PML: variants seen among roughly 807,000 people sequenced by gnomAD.
The protein encoded by PML is protein PML.
In PML, 28 loss-of-function variants were observed where a neutral mutation model predicts 65.2. The observed-to-expected ratio is 0.43, with a 90% CI of 0.32 to 0.59. The LOEUF (loss-of-function observed/expected upper bound fraction) is 0.59. Among genes scored for constraint, PML ranks in the 20% least tolerant of loss-of-function variants. The probability of loss-of-function intolerance (pLI) is 0.08; values close to 1 mark genes in which losing one functional copy is unlikely to be tolerated. For synonymous variants in PML, 500 were observed against 508.8 expected (o/e 0.98, Z 0.23); for missense variants, 1,021 against 1,203.4 (o/e 0.85, Z 2.24).
chr15:73,998,885 AG>A (rs1201842577), intron 2 of PML, among the ~76,000 whole-genome samples: 3 of 152,336 alleles, frequency 2.0e-5, no homozygotes, highest in Non-Finnish European at 4.4e-5. Flanking sequence ...GCTGGATTCT[AG>A]GATCAGAGAC....
chr15:74,019,894 T>C (rs1180341224), intron 2 of PML, among the ~76,000 whole-genome samples: 1 of 152,238 alleles, frequency 6.6e-6, no homozygotes, highest in Non-Finnish European at 1.5e-5. Context: ...TTCCGTTGTA[T>C]GGGTGGATCA....
chr15:74,034,720 C>T, intron 7 of PML, 190 bp downstream of exon 7: 1 of 1,511,080 alleles, frequency 6.6e-7, no homozygotes, highest in Non-Finnish European at 8.9e-7. Context: ...CCCCAGCCCT[C>T]CCACTACACC....
chr15:74,044,321 C>T lies in PML; in HGVS notation c.1962C>T (p.Ser654=). 2 of 1,614,178 alleles carry T rather than the reference C, an allele frequency of 1.2e-6. No homozygotes were observed. Among genetic ancestry groups the T allele is most frequent in the Non-Finnish European group, 1.7e-6 (2 of 1,180,020 alleles). ...TCAGCATCTACTCCAAGGCCGTGTC[C>T]CTGGAGGTGGGGCTGCAGCACTTCC... ...AFFSIYSKAV[S]LEVGLQHFLS... The change falls in exon 9 of 9, where the codon TCC becomes TCT. Residue 654 remains serine, a synonymous_variant. Coordinates refer to ENST00000268058, the MANE Select transcript of PML (RefSeq NM_033238.3).
chr15:74,004,564 G>A (rs1353092176), intron 2 of PML, among the ~76,000 whole-genome samples: 1 of 152,088 alleles, frequency 6.6e-6, no homozygotes, highest in African/African-American at 2.4e-5. Flanking sequence ...GCCGCCCAAA[G>A]CACTGGGATT....
chr15:74,039,291 T>C (rs916630081), intron 7 of PML, among the ~76,000 whole-genome samples: 1 of 152,230 alleles, frequency 6.6e-6, no homozygotes, highest in African/African-American at 2.4e-5. Context: ...GGCCACAGGC[T>C]GGCCGAGTTT....
rs948690909 is a variant in PML at position 73,998,263 on chromosome 15, C to T, written c.389C>T (p.Thr130Ile). ...RQIVDAQAVCTRCKESADFWC... is the reference protein window; with the variant it reads ...RQIVDAQAVCIRCKESADFWC... ...ATTGTGGATGCGCAGGCTGTGTGCA[C>T]CCGCTGCAAAGAGTCGGCCGACTTC... The change falls in exon 2 of 9, where the codon ACC becomes ATC. Residue 130 changes from threonine (T) to isoleucine (I), a missense_variant. Coordinates refer to ENST00000268058, the MANE Select transcript of PML (RefSeq NM_033238.3). 2 of 1,614,096 alleles carry T rather than the reference C, an allele frequency of 1.2e-6. No individual in the cohort carries two copies. Among genetic ancestry groups the T allele is most frequent in the Non-Finnish European group, 1.7e-6 (2 of 1,180,044 alleles).
chr15:74,016,764 C>G (rs547070848), intron 2 of PML, among the ~76,000 whole-genome samples: 1 of 127,522 alleles, frequency 7.8e-6, no homozygotes, highest in East Asian at 2.4e-4. Context: ...AAAAAATATA[C>G]AGTTTTGAAT....
At chr15:74,004,214 A>C (rs909947492) in intron 2 of PML, among the ~76,000 whole-genome samples, 2 of 152,080 alleles carry the variant, frequency 1.3e-5, no homozygotes, top group African/African-American at 4.8e-5. Flanking sequence ...GGCTCAAGCA[A>C]TCCTCCCACC....
At chr15:74,036,062 TC>T (rs903739715) in intron 7 of PML, 1 of 1,614,076 alleles carries the variant, frequency 6.2e-7, no homozygotes, top group African/African-American at 1.3e-5. Flanking sequence ...ACTCATTAAT[TC>T]TTGGTTAAGG....
In PML at chr15:74,035,794, G is replaced by A. The variant is rs762036261; in HGVS notation, c.1710+1264G>A. 19 of 1,613,980 alleles carry A rather than the reference G, an allele frequency of 1.2e-5. No individual in the cohort carries two copies. Among genetic ancestry groups the A allele is most frequent in the Non-Finnish European group, 1.6e-5 (19 of 1,180,016 alleles). ...GGGGAAAGCAGAGCCCAGACTCTTGGAGCAGGTGTTCCCCCTGGGGACTCT... is the reference window on the plus strand; with the variant it reads ...GGGGAAAGCAGAGCCCAGACTCTTGAAGCAGGTGTTCCCCCTGGGGACTCT... On this transcript the variant is annotated intron_variant, in intron 7 of 8. Coordinates refer to ENST00000268058, the MANE Select transcript of PML (RefSeq NM_033238.3). The surrounding 1 kb of genome is among the most constrained non-coding windows in gnomAD (Gnocchi z 4.1).
rs1595923425 is a variant in PML at position 74,043,821 on chromosome 15, G to A, written c.1862-400G>A. ...TTTCTATGTCCCAGGGCTCTGACTG[G>A]GCTGGGGTCCTTGAGGGGATTGGAG... is the stretch of plus-strand genomic sequence containing the variant. On this transcript the variant is annotated intron_variant, in intron 8 of 8. Transcript: ENST00000268058. The surrounding 1 kb of genome is among the most constrained non-coding windows in gnomAD (Gnocchi z 4.3). 1 of 531,436 alleles carries A rather than the reference G, an allele frequency of 1.9e-6. No individual in the cohort carries two copies. Among genetic ancestry groups the A allele is most frequent in the East Asian group, 4.9e-5 (1 of 20,496 alleles). The allele number at this position is 531,436 out of a possible 1,614,324, so 32.9% of individuals were successfully genotyped here.
chr15:74,017,546 G>C (rs1350441189), intron 2 of PML, among the ~76,000 whole-genome samples: 3 of 152,248 alleles, frequency 2.0e-5, no homozygotes, highest in Non-Finnish European at 4.4e-5. Flanking sequence ...CTGCTTGGGA[G>C]GCTGAGGCAG....
In PML at chr15:74,042,151, T is replaced by TGGCTCCCCTCTGGCTTC. The variant is rs1402396135; in HGVS notation, c.1711-838_1711-837insGGCTCCCCTCTGGCTTC. 9.2e-5 allele frequency among the ~76,000 whole-genome samples: 14 copies of TGGCTCCCCTCTGGCTTC among 152,202 alleles called. No individual in the cohort carries two copies. Among genetic ancestry groups the TGGCTCCCCTCTGGCTTC allele is most frequent in the African/African-American group, 3.4e-4 (14 of 41,430 alleles). On this transcript the variant is annotated intron_variant, in intron 7 of 8. Coordinates refer to ENST00000268058, the MANE Select transcript of PML (RefSeq NM_033238.3). This position sits in a 1 kb window ranked among gnomAD's most constrained non-coding sequence, Gnocchi z 5.3. ...TCTCAGAGCTGGAGCCCTTCCCTCA[T>TGGCTCCCCTCTGGCTTC]CCTCTGGCTCCCCACCCCATGGCTT... is the stretch of plus-strand genomic sequence containing the variant.
chr15:74,006,349 C>T (rs934883004), intron 2 of PML, among the ~76,000 whole-genome samples: 7 of 148,338 alleles, frequency 4.7e-5, no homozygotes, highest in Non-Finnish European at 7.4e-5. Flanking sequence ...TGAGATCACA[C>T]CACTGCACTC....
intron 2 of PML, among the ~76,000 whole-genome samples, chr15:74,012,132 C>T (rs1183142925): frequency 1.6e-5 from 2 of 126,642 alleles, no homozygotes; most frequent in East Asian, 4.6e-4. Context: ...CCTAAAAGGT[C>T]CCTCTAAGAT....
At chr15:74,005,246 T>C (rs1342011086) in intron 2 of PML, among the ~76,000 whole-genome samples, 1 of 151,230 alleles carries the variant, frequency 6.6e-6, no homozygotes, top group Admixed American at 6.6e-5. Flanking sequence ...AGAGACGGCG[T>C]TTCACCATAT....
chr15:74,015,478 G>T (rs951383630), intron 2 of PML, among the ~76,000 whole-genome samples: 21 of 152,198 alleles, frequency 1.4e-4, no homozygotes, highest in Non-Finnish European at 2.9e-4. Context: ...AAGCCAGGTG[G>T]TACCAGCTCT....
At chr15:74,015,749 C>T (rs1227024962) in intron 2 of PML, among the ~76,000 whole-genome samples, 1 of 152,188 alleles carries the variant, frequency 6.6e-6, no homozygotes, top group East Asian at 1.9e-4. Context: ...GTGCTGAGTC[C>T]TTCACATACA....
chr15:74,009,246 A>G (rs2070211894), intron 2 of PML, among the ~76,000 whole-genome samples: 1 of 152,224 alleles, frequency 6.6e-6, no homozygotes, highest in Admixed American at 6.5e-5. Context: ...AGCTTGAATT[A>G]TCATTGAATG....
Sources: allele counts gnomAD v4.1 joint callset (sites outside exome capture counted in the v4.1 genomes callset), GRCh38; gene constraint gnomAD v4.1.1; non-coding constraint Gnocchi (gnomAD v3.1); transcripts MANE v1.5; gene names NCBI Gene and HGNC (gene_info 2026-07-23, HGNC 2026-07-21).